PML: variants seen among roughly 807,000 people sequenced by gnomAD.
The protein encoded by PML is protein PML.
Under a neutral mutation model 65.2 loss-of-function variants are expected in PML, and 28 were observed. The ratio of observed to expected loss-of-function variants is 0.43; its 90% confidence interval spans 0.32 to 0.59. The LOEUF is 0.59. PML is among the 20% of genes least tolerant of loss of function. PML has a pLI of 0.08. For synonymous variants in PML, 500 were observed against 508.8 expected (o/e 0.98, Z 0.23); for missense variants, 1,021 against 1,203.4 (o/e 0.85, Z 2.24).
At position 74,044,308 on chromosome 15, in the gene PML, C is replaced by A; in HGVS notation, c.1949C>A (p.Ser650Tyr). 6.2e-7 allele frequency: 1 copy of A among 1,614,168 alleles called. No individual in the cohort carries two copies. Among genetic ancestry groups the A allele is most frequent in the Non-Finnish European group, 8.5e-7 (1 of 1,180,016 alleles). Residue 650 changes from serine (S) to tyrosine (Y), a missense_variant, in exon 9 of 9, where the codon TCC becomes TAC. Coordinates refer to ENST00000268058, the MANE Select transcript of PML (RefSeq NM_033238.3). ...CCTGAAGCCTTCTTCAGCATCTACT[C>A]CAAGGCCGTGTCCCTGGAGGTGGGG... ...IQPEAFFSIY[S>Y]KAVSLEVGLQ...
At position 74,035,926 on chromosome 15, in the gene PML, C is replaced by A; in HGVS notation, c.1710+1396C>A. The A allele has an allele frequency of 6.2e-7, 1 of 1,613,990 alleles. No individual in the cohort carries two copies. The highest frequency in any genetic ancestry group is 8.5e-7 in the Non-Finnish European group (1 of 1,180,022). Reference sequence around the variant, plus strand: ...GAAAGGCCCCCCATCAGCCCAGTCCCAGGCGCCCGTCAAGCAGGCCTCTGA... The same window carrying A: ...GAAAGGCCCCCCATCAGCCCAGTCCAAGGCGCCCGTCAAGCAGGCCTCTGA... On this transcript the variant is annotated intron_variant, in intron 7 of 8. Coordinates refer to ENST00000268058, the MANE Select transcript of PML (RefSeq NM_033238.3). The surrounding 1 kb of genome is among the most constrained non-coding windows in gnomAD (Gnocchi z 4.1).
intron 4 of PML, chr15:74,031,169 C>A: frequency 2.8e-6 from 1 of 356,170 alleles, no homozygotes; most frequent in South Asian, 2.3e-5. Context: ...CTGGCAACCA[C>A]CAATCTGCTT....
chr15:74,043,135 T>C lies in PML; in HGVS notation c.1857T>C (p.Asn619=), dbSNP rs376784868. Residue 619 remains asparagine, a synonymous_variant, in exon 8 of 9, where the codon AAT becomes AAC. Transcript: ENST00000268058. This position sits in a 1 kb window ranked among gnomAD's most constrained non-coding sequence, Gnocchi z 4.3. ...PLVFFDLKID[N]ETQKISQLAA... ...TTTTCTTTGACCTCAAGATTGACAA[T>C]GAAAGTGGGTTCTCCTGGGGCTACC... is the stretch of plus-strand genomic sequence containing the variant. The C allele has an allele frequency of 1.2e-5, 20 of 1,613,594 alleles. No homozygotes were observed. Among genetic ancestry groups the C allele is most frequent in the Non-Finnish European group, 1.6e-5 (19 of 1,179,974 alleles).
intron 2 of PML, among the ~76,000 whole-genome samples, chr15:74,011,406 CAAG>C (rs1485084337): frequency 6.6e-6 from 1 of 151,960 alleles, no homozygotes; most frequent in Non-Finnish European, 1.5e-5. Flanking sequence ...CATATTGGTA[CAAG>C]AAGAAAGAAG....
intron 4 of PML, 144 bp downstream of exon 4, chr15:74,025,071 AG>A: frequency 1.5e-6 from 1 of 677,326 alleles, no homozygotes; most frequent in Admixed American, 2.2e-5. Context: ...AGTGAGAGGA[AG>A]TAAAGGAAGA....
chr15:74,022,164 T>C (rs1219049732), intron 2 of PML, among the ~76,000 whole-genome samples: 1 of 152,150 alleles, frequency 6.6e-6, no homozygotes, highest in African/African-American at 2.4e-5. Flanking sequence ...TCCATGTTGG[T>C]CAGGCAGGTC....
At chr15:74,036,133 TC>T in intron 7 of PML, 1 of 1,610,922 alleles carries the variant, frequency 6.2e-7, no homozygotes, top group Non-Finnish European at 8.5e-7. Flanking sequence ...CTGGGTCTTC[TC>T]TGGCTGAGAG....
In PML at chr15:73,998,247, G is replaced by T. The variant is rs1254559908; in HGVS notation, c.373G>T (p.Ala125Ser). Residue 125 changes from alanine to serine, a missense_variant, in exon 2 of 9, where the codon GCG (alanine) becomes TCG (serine). Transcript: ENST00000268058. ...GTCGGTGTACCGGCAGATTGTGGATGCGCAGGCTGTGTGCACCCGCTGCAA... is the reference window on the plus strand; with the variant it reads ...GTCGGTGTACCGGCAGATTGTGGATTCGCAGGCTGTGTGCACCCGCTGCAA... ...RLSVYRQIVD[A>S]QAVCTRCKES... The T allele has an allele frequency of 6.2e-7, 1 of 1,614,214 alleles. No homozygotes were observed. The highest frequency in any genetic ancestry group is 8.5e-7 in the Non-Finnish European group (1 of 1,180,034).
rs2071448287 is a variant in PML at position 74,034,374 on chromosome 15, C to T, written c.1658-104C>T. 7.4e-6 allele frequency: 11 copies of T among 1,488,814 alleles called. No individual in the cohort carries two copies. The East Asian group carries it at 1.1e-4, about 15-fold the overall frequency. The allele number at this position is 1,488,814 out of a possible 1,614,324, so 92.2% of individuals were successfully genotyped here. A position where few individuals can be genotyped will look rare whatever the true frequency, so the allele number is the denominator to read the frequency against. On this transcript the variant is annotated intron_variant, in intron 6 of 8. Coordinates refer to ENST00000268058, the MANE Select transcript of PML (RefSeq NM_033238.3). The stretch of plus-strand genomic sequence containing the variant: ...CCGTCCCCCTGCAGGGCATCCGTTT[C>T]CCCCAGCCGACTGGCCTGCAAGGAT...
chr15:74,003,512 G>A (rs1420754534), intron 2 of PML, among the ~76,000 whole-genome samples: 23 of 152,192 alleles, frequency 1.5e-4, no homozygotes, highest in Admixed American at 1.3e-3. Flanking sequence ...ACCACAAAGA[G>A]TAGAATATAA....
At chr15:74,036,629 G>A (rs1406320480) in intron 7 of PML, among the ~76,000 whole-genome samples, 1 of 152,058 alleles carries the variant, frequency 6.6e-6, no homozygotes, top group Non-Finnish European at 1.5e-5. Flanking sequence ...CCCTCTCAGG[G>A]TGGGCCCCAT....
chr15:73,995,740 G>GT (rs1025085971), intron 1 of PML, among the ~76,000 whole-genome samples: 11 of 150,682 alleles, frequency 7.3e-5, no homozygotes, highest in African/African-American at 2.4e-4. Flanking sequence ...GTTTTGCTTT[G>GT]TTTTTTGTTT....
Position 74,032,680 on chromosome 15 carries a change from T to A in PML, c.1363T>A (p.Tyr455Asn), listed in dbSNP as rs769635059. The change falls in exon 5 of 9, where the codon TAC becomes AAC. Residue 455 changes from tyrosine to asparagine, a missense_variant. Physicochemically the swap from Tyr to Asn is moderately radical, Grantham distance 143. Transcript: ENST00000268058. Reference protein sequence around the residue: ...SVPGAHPVPVYAFSIKGPSYG... With the variant: ...SVPGAHPVPVNAFSIKGPSYG... ...GCCCGGGGCACACCCCGTGCCAGTGTACGCCTTCTCCATCAAAGGCCCTTC... is the reference window on the plus strand; with the variant it reads ...GCCCGGGGCACACCCCGTGCCAGTGAACGCCTTCTCCATCAAAGGCCCTTC... 6.2e-7 allele frequency: 1 copy of A among 1,614,216 alleles called. No homozygotes were observed. The highest frequency in any genetic ancestry group is 2.2e-5 in the East Asian group (1 of 44,888).
chr15:74,031,835 C>T (rs538620088), intron 4 of PML, among the ~76,000 whole-genome samples: 2 of 152,322 alleles, frequency 1.3e-5, no homozygotes, highest in South Asian at 2.1e-4. Flanking sequence ...ATGACATTTT[C>T]TAAGTGCCAG....
intron 2 of PML, among the ~76,000 whole-genome samples, chr15:74,004,682 A>G (rs569998132): frequency 1.3e-5 from 2 of 151,412 alleles, no homozygotes; most frequent in Admixed American, 1.3e-4. Flanking sequence ...GTCTTTCTTC[A>G]GCTCTTCATC....
intron 2 of PML, among the ~76,000 whole-genome samples, chr15:74,017,147 A>G (rs1166076274): frequency 1.3e-5 from 2 of 152,128 alleles, no homozygotes; most frequent in Non-Finnish European, 2.9e-5. Flanking sequence ...TTCAGTAATT[A>G]TAGTGTCTTT....
rs1380021931 is a variant in PML, at chr15:74,042,169, C to T, written c.1711-820C>T. On this transcript the variant is annotated intron_variant, in intron 7 of 8. Transcript: ENST00000268058. This position sits in a 1 kb window ranked among gnomAD's most constrained non-coding sequence, Gnocchi z 5.3. ...TCCCTCATCCTCTGGCTCCCCACCC[C>T]ATGGCTTCTCGAACAGTGTTCCCAC... Among the ~76,000 whole-genome samples the T allele has an allele frequency of 1.3e-5, 2 of 152,236 alleles. No individual in the cohort carries two copies. Among genetic ancestry groups the T allele is most frequent in the East Asian group, 1.9e-4 (1 of 5,198 alleles).
At chr15:74,012,366 G>T (rs2070374334) in intron 2 of PML, among the ~76,000 whole-genome samples, 1 of 152,218 alleles carries the variant, frequency 6.6e-6, no homozygotes. Flanking sequence ...AGTAGAGACA[G>T]GGTTTCACCA....
rs923462221 is a variant in PML at position 74,035,674 on chromosome 15, G to A, written c.1710+1144G>A. The A allele has an allele frequency of 1.9e-6, 3 of 1,613,932 alleles. No individual in the cohort carries two copies. In the Admixed American group the frequency reaches 5.0e-5, roughly 27 times the overall value. On this transcript the variant is annotated intron_variant, in intron 7 of 8. Transcript: ENST00000268058. The surrounding 1 kb of genome is among the most constrained non-coding windows in gnomAD (Gnocchi z 4.1). ...CGATCCCGCAGCCGCTCCCTCCGGG[G>A]CTCCTCCCATTTATCCCAGTGGCTC...
Sources: gnomAD v4.1 joint callset for allele counts (sites outside exome capture counted in the v4.1 genomes callset) on GRCh38, gnomAD v4.1.1 for gene constraint, Gnocchi (gnomAD v3.1) non-coding constraint, MANE v1.5 for transcripts, NCBI Gene and HGNC (gene_info 2026-07-23, HGNC 2026-07-21) for gene names.